The following PIK3R5 variants were observed in gnomAD, a reference collection of about 807,000 sequenced individuals.
PIK3R5 encodes phosphoinositide 3-kinase regulatory subunit 5.
In PIK3R5, 32 loss-of-function variants were observed where a neutral mutation model predicts 94.9. That is an observed-to-expected ratio of 0.34 (90% CI 0.25 to 0.45). The LOEUF (loss-of-function observed/expected upper bound fraction) is 0.45. PIK3R5 is among the 20% of genes least tolerant of loss of function. The pLI, the probability that PIK3R5 is intolerant of heterozygous loss-of-function variation, is 1.00. For synonymous variants in PIK3R5, 443 were observed against 479.4 expected, an observed-to-expected ratio of 0.92 and a Z score of 0.99; for missense variants, 853 against 1,144.6, an observed-to-expected ratio of 0.75 and a Z score of 3.68.
chr17:8,959,586 C>T (rs1361113115), intron 1 of PIK3R5, among the ~76,000 whole-genome samples: 2 of 152,128 alleles, frequency 1.3e-5, no homozygotes, highest in African/African-American at 4.8e-5. Context: ...GATCTGGTTG[C>T]AGAACGCTCC....
rs763419605 is a variant in PIK3R5 at position 8,890,831 on chromosome 17, C to T, written c.564G>A (p.Ser188=). ...VANKLSTPGH[S]PHSAYTTLLL... is the part of the protein sequence containing the mutation. The stretch of plus-strand genomic sequence containing the variant: ...GCAGGGTGGTGTAGGCACTGTGAGG[C>T]GAGTGTCCGGGCGTACTCAGCTTAT... The change falls in exon 7 of 19, where the codon TCG becomes TCA. Residue 188 remains serine (S), a synonymous_variant. Transcript: ENST00000447110. The surrounding 1 kb of genome is among the most constrained non-coding windows in gnomAD (Gnocchi z 6.1). The T allele has an allele frequency of 6.0e-5, 96 of 1,613,212 alleles. No individual in the cohort carries two copies. In the East Asian group the frequency reaches 8.0e-4, roughly 13 times the overall value.
In PIK3R5 at chr17:8,965,243, G is replaced by C. The variant is rs1234950411; in HGVS notation, c.-14+353C>G. ...TGCCCACGCTCACGGACAGTTCCCCGCTGGAGCGGGCAGGGGACCTGACCC... is the reference window on the plus strand; with the variant it reads ...TGCCCACGCTCACGGACAGTTCCCCCCTGGAGCGGGCAGGGGACCTGACCC... On this transcript the variant is annotated intron_variant, in intron 1 of 18. Coordinates refer to ENST00000447110, the MANE Select transcript of PIK3R5 (RefSeq NM_001142633.3). Among the ~76,000 whole-genome samples the C allele has an allele frequency of 3.3e-5, 5 of 152,356 alleles. No individual in the cohort carries two copies. In the East Asian group the frequency reaches 7.7e-4, roughly 24 times the overall value.
intron 1 of PIK3R5, among the ~76,000 whole-genome samples, chr17:8,937,097 T>A (rs11651292): frequency 0.044 from 6,759 of 152,324 alleles, 203 homozygotes; most frequent in Non-Finnish European, 0.064. Flanking sequence ...TGTGTATTTA[T>A]CTTGCACTCT....
At chr17:8,942,636 C>T (rs964017628) in intron 1 of PIK3R5, among the ~76,000 whole-genome samples, 2 of 151,914 alleles carry the variant, frequency 1.3e-5, no homozygotes, top group African/African-American at 2.4e-5. Flanking sequence ...GACAGAGTCT[C>T]GCTCTGTCGC....
intron 5 of PIK3R5, among the ~76,000 whole-genome samples, chr17:8,899,448 A>G (rs1049189859): frequency 2.6e-5 from 4 of 152,174 alleles, no homozygotes; most frequent in African/African-American, 9.7e-5. Context: ...AGCACTGTGA[A>G]ATCAATTAGG....
At chr17:8,950,781 GT>G in intron 1 of PIK3R5, among the ~76,000 whole-genome samples, 1 of 152,112 alleles carries the variant, frequency 6.6e-6, no homozygotes. Flanking sequence ...TGTCTTGTTG[GT>G]ATAATGAGCT....
At chr17:8,900,822 A>T (rs2090264606) in intron 5 of PIK3R5, among the ~76,000 whole-genome samples, 2 of 152,240 alleles carry the variant, frequency 1.3e-5, no homozygotes, top group Admixed American at 1.3e-4. Context: ...GCCTGCAAAA[A>T]TATCTCAAGG....
intron 1 of PIK3R5, among the ~76,000 whole-genome samples, chr17:8,923,203 A>T (rs914715671): frequency 3.3e-5 from 5 of 152,176 alleles, no homozygotes; most frequent in African/African-American, 1.2e-4. Flanking sequence ...TGGCTAAAAG[A>T]CTTTCCCAAG....
intron 12 of PIK3R5, 113 bp from the exon 13 acceptor site, chr17:8,886,718 G>A (rs901350826): frequency 1.0e-5 from 13 of 1,244,718 alleles, no homozygotes; most frequent in Non-Finnish European, 1.2e-5. Context: ...GCCAGTCAGG[G>A]GGAGCTGGTG....
intron 14 of PIK3R5, among the ~76,000 whole-genome samples, chr17:8,885,457 TCCCATGGCCCCACCTCCTGGGTAACC>T (rs2089803466): frequency 6.8e-5 from 1 of 14,650 alleles, no homozygotes; most frequent in African/African-American, 3.3e-4. Context: ...AACCCCGCCC[TCCCATGGCCCCACCTCCTGGGTAACC>T]CCGCCTCCCC....
intron 2 of PIK3R5, among the ~76,000 whole-genome samples, chr17:8,910,149 A>G (rs2090492102): frequency 1.3e-5 from 2 of 152,114 alleles, no homozygotes; most frequent in African/African-American, 4.8e-5. Flanking sequence ...GGCTGTGTGT[A>G]TGTGTGTGTG....
At chr17:8,959,701 CA>C (rs2091526827) in intron 1 of PIK3R5, among the ~76,000 whole-genome samples, 1 of 152,102 alleles carries the variant, frequency 6.6e-6, no homozygotes, top group Non-Finnish European at 1.5e-5. Flanking sequence ...ATGCTCAGGC[CA>C]AAAACCCAGT....
Position 8,889,079 on chromosome 17 carries a change from A to G in PIK3R5, c.895+60T>C. 6.4e-7 allele frequency: 1 copy of G among 1,558,982 alleles called. No homozygotes were observed. The highest frequency in any genetic ancestry group is 8.8e-7 in the Non-Finnish European group (1 of 1,142,634). ...GGGGTGGGAGCTGCATGGACCCAGG[A>G]CCAGAAACACAGCTCAGGCAGTGTG... On this transcript the variant is annotated intron_variant, in intron 9 of 18. Coordinates refer to ENST00000447110, the MANE Select transcript of PIK3R5 (RefSeq NM_001142633.3). The surrounding 1 kb of genome is among the most constrained non-coding windows in gnomAD (Gnocchi z 4.1).
rs146665877 is a variant in PIK3R5, at chr17:8,888,590, G to A, written c.1197C>T (p.Ser399=). The change falls in exon 10 of 19, where the codon TCC becomes TCT. Residue 399 remains serine, a synonymous_variant. Coordinates refer to ENST00000447110, the MANE Select transcript of PIK3R5 (RefSeq NM_001142633.3). This position sits in a 1 kb window ranked among gnomAD's most constrained non-coding sequence, Gnocchi z 7.8. ...SGYVEDSEES[S]SEWPWRRGSQ... ...TGCCACGCCTCCAAGGCCACTCGGAGGAGCTCTCCTCGCTGTCCTCCACGT... is the reference window on the plus strand; with the variant it reads ...TGCCACGCCTCCAAGGCCACTCGGAAGAGCTCTCCTCGCTGTCCTCCACGT... 6.2e-7 allele frequency: 1 copy of A among 1,612,396 alleles called. No individual in the cohort carries two copies. Among genetic ancestry groups the A allele is most frequent in the Non-Finnish European group, 8.5e-7 (1 of 1,179,578 alleles).
chr17:8,946,033 A>G (rs145870445), intron 1 of PIK3R5, among the ~76,000 whole-genome samples: 1 of 152,056 alleles, frequency 6.6e-6, no homozygotes, highest in Non-Finnish European at 1.5e-5. Context: ...CCCAGCTGAG[A>G]CCCCAGACAT....
chr17:8,922,086 A>C (rs1344452009), intron 1 of PIK3R5, among the ~76,000 whole-genome samples: 1 of 143,436 alleles, frequency 7.0e-6, no homozygotes, highest in Non-Finnish European at 1.5e-5. Flanking sequence ...AAAACAAACC[A>C]CCCGATTTGT....
rs879159445 is a variant in PIK3R5, at chr17:8,884,625, GTCCAGC to G, written c.2205+76_2205+81del. The G allele has an allele frequency of 2.4e-5, 27 of 1,114,046 alleles. No individual in the cohort carries two copies. The South Asian group carries it at 3.5e-4, about 14-fold the overall frequency. 69.0% of individuals were successfully genotyped at this position (1,114,046 alleles called of 1,614,324 possible). A position where few individuals can be genotyped will look rare whatever the true frequency, so the allele number is the denominator to read the frequency against. The stretch of plus-strand genomic sequence containing the variant: ...AAGACTGGGGCCCAGGAACACACGA[GTCCAGC>G]TCTGGGTCCAAGCTCTGGCGGAGGA... On this transcript the variant is annotated intron_variant, in intron 15 of 18. Transcript: ENST00000447110. This position sits in a 1 kb window ranked among gnomAD's most constrained non-coding sequence, Gnocchi z 5.8.
rs745863525 is a variant in PIK3R5, at chr17:8,892,421, T to C, written c.482+1165A>G. Among the ~76,000 whole-genome samples, 1 of 152,090 alleles carries C rather than the reference T, an allele frequency of 6.6e-6. No individual in the cohort carries two copies. Among genetic ancestry groups the C allele is most frequent in the African/African-American group, 2.4e-5 (1 of 41,424 alleles). ...ATTCTCAATTTACAGATAATGAAAG[T>C]GAGACCATCTCCCAACTGTAAGCTC... On this transcript the variant is annotated intron_variant, in intron 6 of 18. Transcript: ENST00000447110. The surrounding 1 kb of genome is among the most constrained non-coding windows in gnomAD (Gnocchi z 4.3).
At position 8,890,415 on chromosome 17, in the gene PIK3R5, G is replaced by A. The variant is rs532570268; in HGVS notation, c.658-289C>T. ...AGGAGCTGTGTGGGGTGACACAGCC[G>A]ACCTGTGACACCTGTGACAGAGCCA... On this transcript the variant is annotated intron_variant, in intron 7 of 18. Transcript: ENST00000447110. This position sits in a 1 kb window ranked among gnomAD's most constrained non-coding sequence, Gnocchi z 6.1. Among the ~76,000 whole-genome samples, 4 of 152,290 alleles carry A rather than the reference G, an allele frequency of 2.6e-5. No homozygotes were observed. The highest frequency in any genetic ancestry group is 2.1e-4 in the South Asian group (1 of 4,828).
Sources: gnomAD v4.1 joint callset for allele counts (sites outside exome capture counted in the v4.1 genomes callset) on GRCh38, gnomAD v4.1.1 for gene constraint, Gnocchi (gnomAD v3.1) non-coding constraint, MANE v1.5 for transcripts, NCBI Gene and HGNC (gene_info 2026-07-23, HGNC 2026-07-21) for gene names.